Variants in PALLD observed in about 807,000 individuals in gnomAD.
PALLD encodes palladin, cytoskeletal associated protein, also known as palladin.
A neutral mutation model predicts 123.5 loss-of-function variants in PALLD; 61 were observed. That is an observed-to-expected ratio of 0.49 (90% confidence interval 0.40 to 0.61). The LOEUF (loss-of-function observed/expected upper bound fraction) is 0.61, where lower values mean the gene tolerates loss of function less well. Among genes scored for constraint, PALLD ranks in the 20% least tolerant of loss-of-function variants. The pLI, the probability that PALLD is intolerant of heterozygous loss-of-function variation, is 0.00. For missense variants in PALLD, 1,273 were observed against 1,377.0 expected, an observed-to-expected ratio of 0.92 and a Z score of 1.20; for synonymous variants, 465 against 496.4, an observed-to-expected ratio of 0.94 and a Z score of 0.84.
chr4:168,734,437 TA>T (rs1359771023), intron 10 of PALLD, among the ~76,000 whole-genome samples: 4 of 152,178 alleles, frequency 2.6e-5, no homozygotes, highest in African/African-American at 9.7e-5. Context: ...GTTTTTGTTT[TA>T]AAAGATTTGA....
At chr4:168,586,153 T>TAAAAAAAAAA (rs35474736) in intron 2 of PALLD, among the ~76,000 whole-genome samples, 1 of 75,528 alleles carries the variant, frequency 1.3e-5, no homozygotes, top group African/African-American at 5.3e-5. Context: ...TCAAGAGACC[T>TAAAAAAAAAA]AAAAAAAAAA....
intron 6 of PALLD, among the ~76,000 whole-genome samples, chr4:168,689,975 C>T (rs753956890): frequency 6.6e-6 from 1 of 151,884 alleles, no homozygotes; most frequent in African/African-American, 2.4e-5. Context: ...AGTTGGAGTG[C>T]GGTGAGGGAC....
At chr4:168,753,243 G>A (rs1367903060) in intron 10 of PALLD, among the ~76,000 whole-genome samples, 1 of 152,060 alleles carries the variant, frequency 6.6e-6, no homozygotes, top group Non-Finnish European at 1.5e-5. Context: ...AAAGTAGGGA[G>A]GTATATAGGC....
intron 10 of PALLD, among the ~76,000 whole-genome samples, chr4:168,830,654 G>C (rs1290369378): frequency 6.6e-6 from 1 of 152,228 alleles, no homozygotes; most frequent in East Asian, 1.9e-4. Context: ...ATCTCTGGGA[G>C]TAAAATCACA....
rs568748828 is a variant in PALLD, at chr4:168,664,457, ATGAT to A, written c.909-3730_909-3727del. Among the ~76,000 whole-genome samples, 206 of 152,328 alleles carry A rather than the reference ATGAT, an allele frequency of 1.4e-3. 1 individual carries two copies. Among genetic ancestry groups the A allele is most frequent in the African/African-American group, 4.8e-3 (199 of 41,574 alleles). On this transcript the variant is annotated intron_variant, in intron 2 of 21. Coordinates refer to ENST00000505667, the MANE Select transcript of PALLD (RefSeq NM_001166108.2). ...CTCTTCAGCAACCGCATATGGCAAA[ATGAT>A]TGGTGCTTGTAAACCACTAGGCTGA... is the stretch of plus-strand genomic sequence containing the variant.
At chr4:168,870,293 C>G (rs899184847) in intron 10 of PALLD, among the ~76,000 whole-genome samples, 7 of 152,156 alleles carry the variant, frequency 4.6e-5, no homozygotes, top group African/African-American at 1.7e-4. Flanking sequence ...AACCTAAAAG[C>G]TATTTTTGTC....
In PALLD at chr4:168,898,547, C is replaced by T; in HGVS notation, c.2305C>T (p.Leu769=). The T allele has an allele frequency of 6.2e-7, 1 of 1,613,694 alleles. No homozygotes were observed. Among genetic ancestry groups the T allele is most frequent in the Non-Finnish European group, 8.5e-7 (1 of 1,179,616 alleles). Residue 769 remains leucine (L), a synonymous_variant, in exon 14 of 22, where the codon CTA becomes TTA. Coordinates refer to ENST00000505667, the MANE Select transcript of PALLD (RefSeq NM_001166108.2). ...ACTCATCAGTGAAATAGAGTACAGG[C>T]TAGAAAGGTCTCCTGTGGATGAATC... ...QRLISEIEYR[L]ERSPVDESGD...
intron 3 of PALLD, among the ~76,000 whole-genome samples, chr4:168,671,083 G>A (rs1315341119): frequency 2.6e-5 from 4 of 151,186 alleles, no homozygotes; most frequent in Admixed American, 6.6e-5. Flanking sequence ...AAGAGAAATC[G>A]AAAGCATTTT....
At chr4:168,513,092 C>A (rs557028409) in intron 2 of PALLD, among the ~76,000 whole-genome samples, 62 of 151,594 alleles carry the variant, frequency 4.1e-4, no homozygotes, top group African/African-American at 1.4e-3. Context: ...TTCTCATATA[C>A]AAGAAACAAA....
intron 2 of PALLD, among the ~76,000 whole-genome samples, chr4:168,514,003 G>A (rs948945883): frequency 2.0e-5 from 3 of 152,076 alleles, no homozygotes; most frequent in African/African-American, 7.2e-5. Context: ...CTACTCAAGA[G>A]GCTGAGGCAC....
At chr4:168,814,528 A>G (rs1338049111) in intron 10 of PALLD, among the ~76,000 whole-genome samples, 17 of 152,162 alleles carry the variant, frequency 1.1e-4, no homozygotes, top group Admixed American at 1.1e-3. Flanking sequence ...AGATGTGGAA[A>G]ATAAGGTTCA....
At chr4:168,690,049 A>G (rs1485101403) in intron 6 of PALLD, among the ~76,000 whole-genome samples, 1 of 152,198 alleles carries the variant, frequency 6.6e-6, no homozygotes, top group African/African-American at 2.4e-5. Context: ...AGCATGTTTC[A>G]TTACTTTACT....
At chr4:168,838,415 T>C (rs886135075) in intron 10 of PALLD, among the ~76,000 whole-genome samples, 9 of 151,972 alleles carry the variant, frequency 5.9e-5, no homozygotes, top group Non-Finnish European at 1.2e-4. Flanking sequence ...GCTTCTGTTT[T>C]CTTAGTGGAA....
chr4:168,524,794 T>C (rs1235372387), intron 2 of PALLD, among the ~76,000 whole-genome samples: 3 of 152,166 alleles, frequency 2.0e-5, no homozygotes, highest in Non-Finnish European at 2.9e-5. Context: ...GAGCCATGAT[T>C]GATTCTTTAG....
rs969187093 is a variant in PALLD, at chr4:168,878,379, A to G, written c.1965-12543A>G. On this transcript the variant is annotated intron_variant, in intron 10 of 21. Transcript: ENST00000505667. Reference sequence around the variant, plus strand: ...GCCGTCAACGCCCTGGGGCTGCCCAAGGGTGTCACCCCCGCGTGAGTAACC... The same window carrying G: ...GCCGTCAACGCCCTGGGGCTGCCCAGGGGTGTCACCCCCGCGTGAGTAACC... 25 of 1,507,630 alleles carry G rather than the reference A, an allele frequency of 1.7e-5. No individual in the cohort carries two copies. Among genetic ancestry groups the G allele is most frequent in the Non-Finnish European group, 2.1e-5 (24 of 1,134,670 alleles). The allele number at this position is 1,507,630 out of a possible 1,614,324, so 93.4% of individuals were successfully genotyped here. A position where few individuals can be genotyped will look rare whatever the true frequency, so the allele number is the denominator to read the frequency against.
At chr4:168,626,416 A>G (rs1405956854) in intron 2 of PALLD, among the ~76,000 whole-genome samples, 1 of 149,782 alleles carries the variant, frequency 6.7e-6, no homozygotes, top group African/African-American at 2.5e-5. Flanking sequence ...AAAAAAAAAA[A>G]AAAAAGGTGG....
At chr4:168,522,599 T>A (rs774151024) in intron 2 of PALLD, among the ~76,000 whole-genome samples, 4 of 152,242 alleles carry the variant, frequency 2.6e-5, no homozygotes, top group Admixed American at 2.6e-4. Flanking sequence ...ATTACAGCAA[T>A]TCAAGGACTC....
At chr4:168,755,830 C>T (rs930197728) in intron 10 of PALLD, 1 of 178,446 alleles carries the variant, frequency 5.6e-6, no homozygotes, top group Non-Finnish European at 1.2e-5. Flanking sequence ...AGGCTGTTCT[C>T]AGTAATCAGA....
chr4:168,666,654 T>G (rs1779688789), intron 2 of PALLD, among the ~76,000 whole-genome samples: 1 of 152,158 alleles, frequency 6.6e-6, no homozygotes, highest in African/African-American at 2.4e-5. Context: ...CCAAGTTATA[T>G]GAAAACCCAC....
Sources: allele counts gnomAD v4.1 joint callset (sites outside exome capture counted in the v4.1 genomes callset), GRCh38; gene constraint gnomAD v4.1.1; transcripts MANE v1.5; gene names NCBI Gene and HGNC (gene_info 2026-07-23, HGNC 2026-07-21).